MAST2: variants seen among roughly 807,000 people sequenced by gnomAD.
The protein encoded by MAST2 is microtubule associated serine/threonine kinase 2.
Under a neutral mutation model 147.4 loss-of-function variants are expected in MAST2, and 70 were observed. The observed-to-expected ratio is 0.47, with a 90% CI of 0.39 to 0.58. MAST2 has a LOEUF of 0.58. MAST2 is among the 20% of genes least tolerant of loss of function. The pLI is 0.00. For missense variants in MAST2, 2,080 were observed against 2,302.3 expected (o/e 0.90, Z 1.98); for synonymous variants, 869 against 896.8 (o/e 0.97, Z 0.55).
At chr1:45,963,195 C>A (rs1223681439) in intron 5 of MAST2, among the ~76,000 whole-genome samples, 1 of 152,138 alleles carries the variant, frequency 6.6e-6, no homozygotes, top group Non-Finnish European at 1.5e-5. Flanking sequence ...AGTCAGATAG[C>A]CTGATGCCTC....
chr1:45,821,104 T>G (rs773615258), intron 1 of MAST2, among the ~76,000 whole-genome samples: 4 of 152,008 alleles, frequency 2.6e-5, no homozygotes, highest in Non-Finnish European at 5.9e-5. Flanking sequence ...TTCGCCATGT[T>G]GCCCAGGCTG....
intron 4 of MAST2, among the ~76,000 whole-genome samples, chr1:45,915,709 C>CAAAA (rs58479623): frequency 7.6e-6 from 1 of 130,808 alleles, no homozygotes; most frequent in Non-Finnish European, 1.6e-5. Context: ...GACTCTGTCT[C>CAAAA]AAAAAAAAAA....
At chr1:46,033,643 T>C (rs941402227) in intron 26 of MAST2, among the ~76,000 whole-genome samples, 159 bp from the exon 27 acceptor site, 5 of 152,096 alleles carry the variant, frequency 3.3e-5, no homozygotes, top group Non-Finnish European at 5.9e-5. Flanking sequence ...CATTTCCTCA[T>C]CTGTAAAAAC....
At chr1:45,936,717 C>T (rs2148759271) in intron 4 of MAST2, among the ~76,000 whole-genome samples, 1 of 152,246 alleles carries the variant, frequency 6.6e-6, no homozygotes, top group South Asian at 2.1e-4. Context: ...CCCCATCAGT[C>T]TCTGACATCC....
Position 46,029,565 on chromosome 1 carries a change from C to G in MAST2, c.2318C>G (p.Thr773Arg), listed in dbSNP as rs1646552490. The change falls in exon 19 of 29, where the codon ACA becomes AGA. Residue 773 changes from threonine (T) to arginine (R), a missense_variant and splice_region_variant. Thr to Arg is a moderately conservative substitution (Grantham distance 71, BLOSUM62 -1). This residue lies in a region of MAST2 where 209 missense variants were observed against 309.5 expected (regional missense o/e 0.68). Coordinates refer to ENST00000361297, the MANE Select transcript of MAST2 (RefSeq NM_015112.3). ...CAGAACCCTCTGGAGAGACTTGGCA[C>G]AGGTAGGGCAGGCCCTGCTAACTTT... ...LHQNPLERLG[T>R]GSAYEVKQHP... 6.2e-7 allele frequency: 1 copy of G among 1,613,424 alleles called. No homozygotes were observed. Among genetic ancestry groups the G allele is most frequent in the East Asian group, 2.2e-5 (1 of 44,894 alleles).
At chr1:45,905,823 C>G (rs1398530711) in intron 4 of MAST2, among the ~76,000 whole-genome samples, 1 of 151,994 alleles carries the variant, frequency 6.6e-6, no homozygotes, top group Non-Finnish European at 1.5e-5. Flanking sequence ...ACCCCTAACC[C>G]CCATCAAATG....
chr1:45,904,021 T>G (rs1468469605), intron 4 of MAST2, among the ~76,000 whole-genome samples: 1 of 152,216 alleles, frequency 6.6e-6, no homozygotes, highest in African/African-American at 2.4e-5. Context: ...TTTATTTGTT[T>G]AGACACAGGG....
At chr1:45,998,763 TGTCACCC>T (rs987913069) in intron 6 of MAST2, among the ~76,000 whole-genome samples, 1 of 151,770 alleles carries the variant, frequency 6.6e-6, no homozygotes, top group Non-Finnish European at 1.5e-5. Context: ...AGTCTCACTC[TGTCACCC>T]AGGCTGGAGT....
intron 3 of MAST2, among the ~76,000 whole-genome samples, chr1:45,841,187 C>G (rs1457356927): frequency 6.6e-6 from 1 of 152,042 alleles, no homozygotes; most frequent in Non-Finnish European, 1.5e-5. Context: ...CTTCTGGGCT[C>G]AACCAATCCT....
chr1:45,880,131 G>A (rs1646779571), intron 3 of MAST2, among the ~76,000 whole-genome samples: 1 of 152,112 alleles, frequency 6.6e-6, no homozygotes, highest in South Asian at 2.1e-4. Context: ...CCCAAGAGAA[G>A]TGAAATATAG....
intron 4 of MAST2, among the ~76,000 whole-genome samples, chr1:45,932,866 C>A (rs578254494): frequency 4.0e-5 from 6 of 151,672 alleles, no homozygotes; most frequent in Non-Finnish European, 8.8e-5. Context: ...AACTTTCTGC[C>A]CTGAGAAGAT....
chr1:45,908,158 C>T (rs900355990), intron 4 of MAST2, among the ~76,000 whole-genome samples: 1 of 151,508 alleles, frequency 6.6e-6, no homozygotes, highest in Non-Finnish European at 1.5e-5. Flanking sequence ...GCTTTCTTTT[C>T]TTTATTATAT....
rs374323085 is a variant in MAST2 at position 46,032,411 on chromosome 1, C to A, written c.3414+7C>A. On this transcript the variant is annotated splice_region_variant and intron_variant, in intron 25 of 28. Transcript: ENST00000361297. ...CGTGCACCATATGGTGTGGGTATGT[C>A]TGACCATCCAGACCTGCTGTCTCCC... 1.8e-5 allele frequency: 29 copies of A among 1,613,598 alleles called. No individual in the cohort carries two copies. The highest frequency in any genetic ancestry group is 2.1e-5 in the Non-Finnish European group (25 of 1,179,694).
chr1:45,860,287 G>A (rs983674881), intron 3 of MAST2, among the ~76,000 whole-genome samples: 2 of 147,432 alleles, frequency 1.4e-5, no homozygotes, highest in African/African-American at 5.1e-5. Context: ...GGGAGGCTGA[G>A]GCAGGAGAAT....
At chr1:45,961,190 A>G (rs1218412179) in intron 5 of MAST2, among the ~76,000 whole-genome samples, 1 of 152,130 alleles carries the variant, frequency 6.6e-6, no homozygotes, top group East Asian at 1.9e-4. Context: ...AACTGGAGAC[A>G]TACTTGACCT....
chr1:45,934,020 G>A (rs1268472134), intron 4 of MAST2, among the ~76,000 whole-genome samples: 3 of 151,818 alleles, frequency 2.0e-5, no homozygotes, highest in Non-Finnish European at 4.4e-5. Context: ...TGTCACTCAT[G>A]TAATGAACGT....
At chr1:45,970,840 A>G (rs1348722846) in intron 5 of MAST2, among the ~76,000 whole-genome samples, 1 of 90,786 alleles carries the variant, frequency 1.1e-5, no homozygotes, top group Non-Finnish European at 2.2e-5. Flanking sequence ...TCAGCTTTTT[A>G]CTTGTTAAAA....
chr1:45,902,170 C>T (rs375094431), intron 4 of MAST2, among the ~76,000 whole-genome samples: 17 of 152,064 alleles, frequency 1.1e-4, no homozygotes, highest in African/African-American at 2.9e-4. Flanking sequence ...ATGCCTAATT[C>T]GTTGAAGGTT....
intron 4 of MAST2, among the ~76,000 whole-genome samples, chr1:45,942,765 T>G (rs999385880): frequency 6.6e-6 from 1 of 152,214 alleles, no homozygotes; most frequent in African/African-American, 2.4e-5. Flanking sequence ...AAGAATGATC[T>G]CCAGTGATTA....
Sources: allele counts gnomAD v4.1 joint callset (sites outside exome capture counted in the v4.1 genomes callset), GRCh38; gene constraint gnomAD v4.1.1; regional missense constraint gnomAD v4.1.1; transcripts MANE v1.5; gene names NCBI Gene and HGNC (gene_info 2026-07-23, HGNC 2026-07-21).